Variants in FOXP2 observed in about 807,000 individuals in gnomAD.
The protein encoded by FOXP2 is forkhead box protein P2.
Under a neutral mutation model 115.8 loss-of-function variants are expected in FOXP2, and 12 were observed. The ratio of observed to expected loss-of-function variants is 0.10; its 90% CI spans 0.07 to 0.17. FOXP2 has a LOEUF of 0.17. Ranked by LOEUF, FOXP2 falls within the 10% of genes least tolerant of loss-of-function variation. The pLI is 1.00. For missense variants in FOXP2, 629 were observed against 843.5 expected (o/e 0.75, Z 3.15); for synonymous variants, 328 against 297.7 (o/e 1.10, Z -1.05).
chr7:114,566,976 A>G (rs1801055542), intron 3 of FOXP2, among the ~76,000 whole-genome samples: 1 of 152,012 alleles, frequency 6.6e-6, no homozygotes, highest in Non-Finnish European at 1.5e-5. Flanking sequence ...TTATCACTAA[A>G]TATGAACACA....
chr7:114,238,742 A>T (rs62469202), intron 1 of FOXP2, among the ~76,000 whole-genome samples: 10,422 of 151,564 alleles, frequency 0.069, 479 homozygotes, highest in African/African-American at 0.13. Context: ...ACTGCACTCC[A>T]GCCTGGGCGA....
chr7:114,543,415 C>T (rs1015823677), intron 3 of FOXP2, among the ~76,000 whole-genome samples: 4 of 152,126 alleles, frequency 2.6e-5, no homozygotes, highest in African/African-American at 9.7e-5. Flanking sequence ...GAGGTTTGTG[C>T]AGACTTTCTT....
chr7:114,498,881 A>G (rs1797440354), intron 2 of FOXP2: 2 of 717,752 alleles, frequency 2.8e-6, no homozygotes, highest in African/African-American at 1.7e-5. Flanking sequence ...TTCTTTCCTC[A>G]GGAGGATGTT....
chr7:114,549,642 A>G (rs1264204543), intron 3 of FOXP2, among the ~76,000 whole-genome samples: 1 of 152,204 alleles, frequency 6.6e-6, no homozygotes, highest in Non-Finnish European at 1.5e-5. Context: ...CTGTAAATGC[A>G]TAATGATTTT....
intron 2 of FOXP2, among the ~76,000 whole-genome samples, chr7:114,451,464 A>C (rs977748669): frequency 6.6e-6 from 1 of 152,088 alleles, no homozygotes; most frequent in East Asian, 1.9e-4. Context: ...TTAAACAACT[A>C]TAAATGTCTG....
chr7:114,102,498 A>G (rs2129140872), intron 1 of FOXP2, among the ~76,000 whole-genome samples: 1 of 152,176 alleles, frequency 6.6e-6, no homozygotes, highest in South Asian at 2.1e-4. Context: ...CCTGTGTTCC[A>G]GAAAGGTTTA....
At chr7:114,366,578 CAAAA>C (rs1791888305) in intron 2 of FOXP2, 2 of 151,982 alleles carry the variant, frequency 1.3e-5, no homozygotes, top group South Asian at 4.2e-4. Context: ...TAAATCAAAA[CAAAA>C]AGAATAATTT....
At chr7:114,286,270 T>C (rs1257983060) in intron 1 of FOXP2, among the ~76,000 whole-genome samples, 1 of 152,138 alleles carries the variant, frequency 6.6e-6, no homozygotes, top group Non-Finnish European at 1.5e-5. Context: ...CTGGGCTTTT[T>C]AGTACATGTT....
intron 2 of FOXP2, among the ~76,000 whole-genome samples, chr7:114,514,100 C>CAA (rs1798210809): frequency 6.6e-6 from 1 of 151,510 alleles, no homozygotes; most frequent in African/African-American, 2.4e-5. Context: ...CACACACACA[C>CAA]ACACACACAC....
At chr7:114,636,624 CTTTT>C (rs34522461) in intron 6 of FOXP2, among the ~76,000 whole-genome samples, 3 of 140,414 alleles carry the variant, frequency 2.1e-5, no homozygotes, top group Non-Finnish European at 3.1e-5. Flanking sequence ...TTGAAAAAAT[CTTTT>C]TTTTTTTTTT....
intron 2 of FOXP2, among the ~76,000 whole-genome samples, chr7:114,474,853 A>G (rs1300845288): frequency 6.6e-6 from 1 of 151,888 alleles, no homozygotes; most frequent in East Asian, 1.9e-4. Context: ...TCAAACTGGC[A>G]TCTCTTGACT....
intron 3 of FOXP2, among the ~76,000 whole-genome samples, chr7:114,623,484 G>A (rs897403264): frequency 2.0e-5 from 3 of 151,920 alleles, no homozygotes; most frequent in Non-Finnish European, 4.4e-5. Context: ...AAAGATGTAT[G>A]TAAAATAATC....
intron 1 of FOXP2, among the ~76,000 whole-genome samples, chr7:114,284,232 A>G (rs1288784888): frequency 1.3e-5 from 2 of 152,048 alleles, no homozygotes; most frequent in African/African-American, 2.4e-5. Context: ...CTAAGCTTCA[A>G]CTGGGTGCTG....
At chr7:114,201,867 T>G (rs1029079506) in intron 1 of FOXP2, among the ~76,000 whole-genome samples, 1 of 152,196 alleles carries the variant, frequency 6.6e-6, no homozygotes, top group African/African-American at 2.4e-5. Context: ...AAACTCTACT[T>G]GATACTACCC....
chr7:114,410,474 A>G (rs1003961552), upstream of FOXP2, among the ~76,000 whole-genome samples: 1 of 152,154 alleles, frequency 6.6e-6, no homozygotes, highest in African/African-American at 2.4e-5. Context: ...TCTGTAAAAA[A>G]GGTAATATTA....
chr7:114,213,914 T>G (rs1348459065), intron 1 of FOXP2, among the ~76,000 whole-genome samples: 3 of 152,220 alleles, frequency 2.0e-5, no homozygotes, highest in Non-Finnish European at 4.4e-5. Context: ...AGTAAAGATA[T>G]GCTCACCTAA....
chr7:114,511,203 C>T (rs1798052984), intron 2 of FOXP2, among the ~76,000 whole-genome samples: 3 of 151,862 alleles, frequency 2.0e-5, no homozygotes, highest in African/African-American at 7.2e-5. Context: ...CAGGGCCTGT[C>T]AGGGGGTGGG....
At chr7:114,195,059 G>T (rs144197344) in intron 1 of FOXP2, among the ~76,000 whole-genome samples, 130 of 152,216 alleles carry the variant, frequency 8.5e-4, no homozygotes, top group Non-Finnish European at 1.6e-3. Context: ...GTTAAACTGG[G>T]CTGATTGTTG....
chr7:114,669,059 T>G (rs1807344641), intron 16 of FOXP2: 1 of 152,036 alleles, frequency 6.6e-6, no homozygotes, highest in Non-Finnish European at 1.5e-5. Context: ...ATTTTTAGTT[T>G]TAATTATTTA....
Sources: gnomAD v4.1 joint callset for allele counts (sites outside exome capture counted in the v4.1 genomes callset) on GRCh38, gnomAD v4.1.1 for gene constraint, MANE v1.5 for transcripts, NCBI Gene and HGNC (gene_info 2026-07-23, HGNC 2026-07-21) for gene names.